The following ADAT1 variants were observed in gnomAD, a reference collection of about 807,000 sequenced individuals.
ADAT1 encodes adenosine deaminase tRNA specific 1.
A neutral mutation model predicts 58.6 loss-of-function variants in ADAT1; 58 were observed. The observed-to-expected ratio is 0.99, with a 90% confidence interval of 0.80 to 1.23. The LOEUF (loss-of-function observed/expected upper bound fraction) is 1.23, where lower values mean the gene tolerates loss of function less well. Ranked by LOEUF, ADAT1 falls within the 50% of genes most tolerant of loss-of-function variation. ADAT1 has a pLI of 0.00. For missense variants in ADAT1, 741 were observed against 608.6 expected, an observed-to-expected ratio of 1.22 and a Z score of -2.29; for synonymous variants, 254 against 220.8, an observed-to-expected ratio of 1.15 and a Z score of -1.33.
chr16:75,599,106 G>A lies in ADAT1; in HGVS notation c.*1110C>T. On this transcript the variant is annotated 3_prime_UTR_variant, in exon 10 of 10. Transcript: ENST00000564657. ...TTTTTTTTTTTTTTTTTTTGAGATA[G>A]GGTCTTGCTCTATCACCCAGGCTGG... 1 of 916,386 alleles carries A rather than the reference G, an allele frequency of 1.1e-6. No individual in the cohort carries two copies. The allele number at this position is 916,386 out of a possible 1,614,324, so 56.8% of individuals were successfully genotyped here. A position where few individuals can be genotyped will look rare whatever the true frequency, so the allele number is the denominator to read the frequency against.
At chr16:75,617,702 G>A (rs978342519) in intron 4 of ADAT1, among the ~76,000 whole-genome samples, 1 of 151,194 alleles carries the variant, frequency 6.6e-6, no homozygotes, top group African/African-American at 2.4e-5. Context: ...TTCCACCCTA[G>A]ATATGCTGAA....
chr16:75,602,298 G>C (rs963146202), intron 9 of ADAT1, among the ~76,000 whole-genome samples: 2 of 152,222 alleles, frequency 1.3e-5, no homozygotes. Flanking sequence ...GCAGCAATGT[G>C]CTGGGAAGGT....
rs371682358 is a variant in ADAT1, at chr16:75,612,642, T to C, written c.644A>G (p.His215Arg). ...AREVTNGAAH[H>R]QSFGKQKSGP... ...ACTTTTCTGCTTGCCAAAACTCTGA[T>C]GGTGAGCTGCTCCGTTGGTGACCTC... Residue 215 changes from histidine to arginine, a missense_variant, in exon 6 of 10, where the codon CAT becomes CGT. By Grantham distance (29) the His-to-Arg change is conservative. Transcript: ENST00000564657. 3.9e-5 allele frequency: 63 copies of C among 1,613,956 alleles called. No homozygotes were observed. The highest frequency in any genetic ancestry group is 5.3e-5 in the Non-Finnish European group (63 of 1,180,028).
chr16:75,618,675 T>G, intron 3 of ADAT1, 35 bp from the exon 4 acceptor site: 1 of 1,611,224 alleles, frequency 6.2e-7, no homozygotes, highest in Non-Finnish European at 8.5e-7. Context: ...TGAAGACATA[T>G]GGAAGCTGGA....
At chr16:75,616,818 A>C (rs2081741815) in intron 5 of ADAT1, among the ~76,000 whole-genome samples, 1 of 152,246 alleles carries the variant, frequency 6.6e-6, no homozygotes, top group Non-Finnish European at 1.5e-5. Context: ...AGGATAAGTC[A>C]CTATAGGATT....
intron 6 of ADAT1, among the ~76,000 whole-genome samples, chr16:75,612,009 G>A (rs1390224238): frequency 6.6e-6 from 1 of 152,100 alleles, no homozygotes; most frequent in Non-Finnish European, 1.5e-5. Flanking sequence ...AGTGAGCCCA[G>A]AGCACGCCAT....
intron 6 of ADAT1, among the ~76,000 whole-genome samples, chr16:75,610,845 C>T (rs2081509353): frequency 6.6e-6 from 1 of 152,076 alleles, no homozygotes; most frequent in Admixed American, 6.6e-5. Context: ...GGTGAGGTGG[C>T]TCACACCTAT....
In ADAT1 at chr16:75,612,680, C is replaced by T; in HGVS notation, c.606G>A (p.Gly202=). The T allele has an allele frequency of 6.2e-7, 1 of 1,614,026 alleles. No individual in the cohort carries two copies. The highest frequency in any genetic ancestry group is 8.5e-7 in the Non-Finnish European group (1 of 1,180,012). The part of the protein sequence containing the change: ...PVTKKMRLEP[G]TAAREVTNGA... ...CGTTGGTGACCTCCCTGGCTGCAGT[C>T]CCAGGCTCAAGCCTCATCTTTTTGG... is the stretch of plus-strand genomic sequence containing the variant. The change falls in exon 6 of 10, where the codon GGG becomes GGA. Residue 202 remains glycine, a synonymous_variant. Coordinates refer to ENST00000564657, the MANE Select transcript of ADAT1 (RefSeq NM_001324445.2).
rs748909418 is a variant in ADAT1 at position 75,612,703 on chromosome 16, T to G, written c.583A>C (p.Lys195Gln). 1.9e-6 allele frequency: 3 copies of G among 1,613,992 alleles called. No individual in the cohort carries two copies. The South Asian group carries it at 3.3e-5, about 18-fold the overall frequency. Residue 195 changes from lysine (K) to glutamine (Q), a missense_variant, in exon 6 of 10, where the codon AAA (lysine) becomes CAA (glutamine). Physicochemically the swap from Lys to Gln is moderately conservative, Grantham distance 53. Coordinates refer to ENST00000564657, the MANE Select transcript of ADAT1 (RefSeq NM_001324445.2). ...KCEDPDSPVT[K>Q]KMRLEPGTAA... ...GTCCCAGGCTCAAGCCTCATCTTTTTGGTTACAGGACTGTCAGGGTCTTCA... is the reference window on the plus strand; with the variant it reads ...GTCCCAGGCTCAAGCCTCATCTTTTGGGTTACAGGACTGTCAGGGTCTTCA...
In ADAT1 at chr16:75,617,356, G is replaced by A. The variant is rs972006003; in HGVS notation, c.294-84C>T. ...CTCTGGTTGGGTGATTACTAAGACAGCTTACTGTAGACTAATGGGACTGGT... is the reference window on the plus strand; with the variant it reads ...CTCTGGTTGGGTGATTACTAAGACAACTTACTGTAGACTAATGGGACTGGT... On this transcript the variant is annotated intron_variant, in intron 4 of 9. Coordinates refer to ENST00000564657, the MANE Select transcript of ADAT1 (RefSeq NM_001324445.2). 3.4e-6 allele frequency: 5 copies of A among 1,464,686 alleles called. No homozygotes were observed. In the East Asian group the frequency reaches 9.2e-5, roughly 27 times the overall value. The allele number at this position is 1,464,686 out of a possible 1,614,324, so 90.7% of individuals were successfully genotyped here.
chr16:75,602,212 C>G (rs2081250578), intron 9 of ADAT1, among the ~76,000 whole-genome samples: 1 of 152,182 alleles, frequency 6.6e-6, no homozygotes, highest in Non-Finnish European at 1.5e-5. Context: ...ATAATTCAAT[C>G]AGTCATAATA....
rs200478568 is a variant in ADAT1, at chr16:75,615,215, TA to T, written c.424+1926del. Among the ~76,000 whole-genome samples the T allele has an allele frequency of 6.6e-5, 10 of 150,430 alleles. No homozygotes were observed. In the East Asian group the frequency reaches 7.8e-4, roughly 12 times the overall value. On this transcript the variant is annotated intron_variant, in intron 5 of 9. Transcript: ENST00000564657. ...AAAAAAAAATTCAATCGCCATCACT[TA>T]AAAAAAAACTCTCATTTCCTTTAAA...
chr16:75,603,299 C>T, intron 8 of ADAT1, 128 bp from the exon 9 acceptor site: 1 of 744,936 alleles, frequency 1.3e-6, no homozygotes, highest in Non-Finnish European at 2.2e-6. Context: ...TTCACCTGTA[C>T]TTGGTGAGGA....
chr16:75,612,910 T>C lies in ADAT1; in HGVS notation c.425-49A>G, dbSNP rs759787893. On this transcript the variant is annotated intron_variant, in intron 5 of 9. Coordinates refer to ENST00000564657, the MANE Select transcript of ADAT1 (RefSeq NM_001324445.2). ...ACAAATGGTTCTCAAGTGAGGTCCC[T>C]GGACCAGCCACAATGGGATCTCTTG... 9.6e-6 allele frequency: 15 copies of C among 1,564,434 alleles called. No individual in the cohort carries two copies. In the South Asian group the frequency reaches 1.5e-4, roughly 15 times the overall value.
chr16:75,599,756 G>T lies in ADAT1; in HGVS notation c.*460C>A. ...GTCTGAGGCACAGAGCAGGATCACTGAAGAATGGGAAAAGAATGGCTCCCT... is the reference window on the plus strand; with the variant it reads ...GTCTGAGGCACAGAGCAGGATCACTTAAGAATGGGAAAAGAATGGCTCCCT... On this transcript the variant is annotated 3_prime_UTR_variant, in exon 10 of 10. Transcript: ENST00000564657. The T allele has an allele frequency of 1.0e-6, 1 of 992,916 alleles. No individual in the cohort carries two copies. The highest frequency in any genetic ancestry group is 1.2e-6 in the Non-Finnish European group (1 of 834,414). The allele number at this position is 992,916 out of a possible 1,614,324, so 61.5% of individuals were successfully genotyped here. A position where few individuals can be genotyped will look rare whatever the true frequency, so the allele number is the denominator to read the frequency against.
chr16:75,618,652 A>G lies in ADAT1; in HGVS notation c.239-12T>C. 6.2e-7 allele frequency: 1 copy of G among 1,612,844 alleles called. No individual in the cohort carries two copies. The highest frequency in any genetic ancestry group is 8.5e-7 in the Non-Finnish European group (1 of 1,179,452). ...ATTGAGGATGTCTCCTGCGGCAAAG[A>G]TAGGACACCAGGTGAAGACATATGG... On this transcript the variant is annotated splice_polypyrimidine_tract_variant and intron_variant, in intron 3 of 9. Coordinates refer to ENST00000564657, the MANE Select transcript of ADAT1 (RefSeq NM_001324445.2).
At chr16:75,620,610 G>A (rs1182981634) in intron 2 of ADAT1, 21 bp downstream of exon 2, 1 of 1,610,896 alleles carries the variant, frequency 6.2e-7, no homozygotes, top group East Asian at 2.2e-5. Context: ...TGAGGAGCAT[G>A]CCAAGAAGAA....
At chr16:75,622,324 G>A (rs571611869) in intron 1 of ADAT1, 79 bp downstream of exon 1, 1 of 152,192 alleles carries the variant, frequency 6.6e-6, no homozygotes. Flanking sequence ...CCTGTGACTT[G>A]AAAGTCAGAG....
chr16:75,615,175 C>T (rs1350848116), intron 5 of ADAT1, among the ~76,000 whole-genome samples: 6 of 141,464 alleles, frequency 4.2e-5, no homozygotes, highest in Admixed American at 1.5e-4. Flanking sequence ...TGCAATGAGC[C>T]GAGATCGAGA....
Sources: gnomAD v4.1 joint callset for allele counts (sites outside exome capture counted in the v4.1 genomes callset) on GRCh38, gnomAD v4.1.1 for gene constraint, MANE v1.5 for transcripts, NCBI Gene and HGNC (gene_info 2026-07-23, HGNC 2026-07-21) for gene names.